Variants in CLIC4 observed in about 807,000 individuals in gnomAD.
The protein encoded by CLIC4 is CLIC family member 4, also known as chloride intracellular channel protein 4.
Under a neutral mutation model 24.6 loss-of-function variants are expected in CLIC4, and 13 were observed. The observed-to-expected ratio is 0.53, with a 90% confidence interval of 0.34 to 0.84. The LOEUF is 0.84. CLIC4 is among the 40% of genes least tolerant of loss of function. The pLI is 0.01. For synonymous variants in CLIC4, 104 were observed against 111.3 expected (o/e 0.93, Z 0.41); for missense variants, 227 against 301.7 (o/e 0.75, Z 1.83).
intron 1 of CLIC4, among the ~76,000 whole-genome samples, chr1:24,760,466 T>G (rs927564398): frequency 6.6e-6 from 1 of 152,182 alleles, no homozygotes; most frequent in Admixed American, 6.5e-5. Context: ...TTGATCTAAC[T>G]TGTATTTCCA....
At chr1:24,786,494 T>C (rs2124118771) in intron 1 of CLIC4, among the ~76,000 whole-genome samples, 1 of 152,330 alleles carries the variant, frequency 6.6e-6, no homozygotes, top group East Asian at 1.9e-4. Flanking sequence ...GTAAAGAAAA[T>C]ACTCCTTTTA....
At position 24,775,874 on chromosome 1, in the gene CLIC4, T is replaced by C. The variant is rs547506502; in HGVS notation, c.73-21868T>C. Among the ~76,000 whole-genome samples the C allele has an allele frequency of 6.6e-4, 101 of 151,992 alleles. 1 individual carries two copies. Among genetic ancestry groups the C allele is most frequent in the Admixed American group, 2.0e-3 (31 of 15,284 alleles). ...ATGGGTCAGGTTTTTCCATTTCTTC[T>C]TATAGGGAGTAATTTTGGATTATAT... On this transcript the variant is annotated intron_variant, in intron 1 of 5. Transcript: ENST00000374379.
At chr1:24,812,581 A>G (rs564919476) in intron 2 of CLIC4, among the ~76,000 whole-genome samples, 36 of 152,234 alleles carry the variant, frequency 2.4e-4, no homozygotes, top group African/African-American at 7.5e-4. Flanking sequence ...GACTTAGTTA[A>G]TTTGGAATGA....
At chr1:24,785,854 C>CAAAAAAAAAAAAA (rs61009244) in intron 1 of CLIC4, among the ~76,000 whole-genome samples, 519 of 58,370 alleles carry the variant, frequency 8.9e-3, no homozygotes, top group Middle Eastern at 0.014. Context: ...GACTACAACT[C>CAAAAAAAAAAAAA]AAAAAAAAAA....
At chr1:24,791,900 T>C (rs1223669346) in intron 1 of CLIC4, among the ~76,000 whole-genome samples, 1 of 150,352 alleles carries the variant, frequency 6.7e-6, no homozygotes, top group African/African-American at 2.5e-5. Context: ...AATAAATAAA[T>C]AAGCCAGCCA....
intron 3 of CLIC4, among the ~76,000 whole-genome samples, chr1:24,826,636 G>A (rs1414438880): frequency 6.6e-6 from 1 of 152,188 alleles, no homozygotes; most frequent in Non-Finnish European, 1.5e-5. Context: ...TGAAGATAGA[G>A]AACATTTCCA....
intron 1 of CLIC4, among the ~76,000 whole-genome samples, chr1:24,773,904 T>C (rs548099644): frequency 2.2e-4 from 34 of 151,690 alleles, no homozygotes; most frequent in African/African-American, 6.0e-4. Flanking sequence ...CAGCCAGAGA[T>C]GCACTTTTTT....
chr1:24,772,011 A>G (rs1286857970), intron 1 of CLIC4, among the ~76,000 whole-genome samples: 1 of 152,244 alleles, frequency 6.6e-6, no homozygotes, highest in African/African-American at 2.4e-5. Flanking sequence ...TTCCAACGTC[A>G]GATCCAGAGA....
chr1:24,748,017 T>G (rs1298005119), intron 1 of CLIC4, among the ~76,000 whole-genome samples: 2 of 123,688 alleles, frequency 1.6e-5, no homozygotes, highest in African/African-American at 5.6e-5. Flanking sequence ...AGAGTGAGAC[T>G]TCGTCTCAAA....
intron 3 of CLIC4, among the ~76,000 whole-genome samples, chr1:24,826,172 G>C (rs554412478): frequency 2.0e-5 from 3 of 152,320 alleles, no homozygotes; most frequent in Admixed American, 1.3e-4. Flanking sequence ...TATTACATCT[G>C]TTCTAAAAGT....
Position 24,745,635 on chromosome 1 carries a change from C to A in CLIC4, c.72+10C>A. On this transcript the variant is annotated intron_variant, in intron 1 of 5. Coordinates refer to ENST00000374379, the MANE Select transcript of CLIC4 (RefSeq NM_013943.3). ...CGAGCTCTTCGTCAAGGTGAGCGCT[C>A]GCCTCGCGGTCCCGCCCGGCAGATC... 1 of 1,546,592 alleles carries A rather than the reference C, an allele frequency of 6.5e-7. No individual in the cohort carries two copies. The highest frequency in any genetic ancestry group is 2.0e-5 in the Admixed American group (1 of 50,830).
At chr1:24,801,154 C>T (rs1019166959) in intron 2 of CLIC4, among the ~76,000 whole-genome samples, 3 of 151,834 alleles carry the variant, frequency 2.0e-5, no homozygotes, top group East Asian at 1.9e-4. Flanking sequence ...AGTGTCACAA[C>T]ATGATTTGCT....
At chr1:24,838,071 T>A (rs1639903392) in intron 4 of CLIC4, among the ~76,000 whole-genome samples, 1 of 152,104 alleles carries the variant, frequency 6.6e-6, no homozygotes, top group Non-Finnish European at 1.5e-5. Flanking sequence ...CAGCATGAAC[T>A]CATCTCCGTA....
At chr1:24,789,491 C>T (rs1400518622) in intron 1 of CLIC4, among the ~76,000 whole-genome samples, 1 of 152,136 alleles carries the variant, frequency 6.6e-6, no homozygotes, top group South Asian at 2.1e-4. Flanking sequence ...GCATTCCAGC[C>T]TGAGTGACAG....
intron 1 of CLIC4, among the ~76,000 whole-genome samples, chr1:24,766,478 T>C (rs866992806): frequency 3.2e-4 from 1 of 3,160 alleles, no homozygotes; most frequent in Non-Finnish European, 1.1e-3. Flanking sequence ...AGACGGTTTT[T>C]TTTTTTTTTT....
At position 24,753,731 on chromosome 1, in the gene CLIC4, C is replaced by G. The variant is rs78306332; in HGVS notation, c.72+8106C>G. Among the ~76,000 whole-genome samples the G allele has an allele frequency of 1.5e-4, 23 of 152,108 alleles. No individual in the cohort carries two copies. In the East Asian group the frequency reaches 4.2e-3, roughly 28 times the overall value. ...ATTTTCCTAACTTTTTTCATTCTCC[C>G]CACACTTTCCTGTGTTTTTGGATTG... On this transcript the variant is annotated intron_variant, in intron 1 of 5. Transcript: ENST00000374379.
At chr1:24,791,794 T>G (rs1362896682) in intron 1 of CLIC4, among the ~76,000 whole-genome samples, 1 of 152,136 alleles carries the variant, frequency 6.6e-6, no homozygotes, top group East Asian at 1.9e-4. Flanking sequence ...GAGAATCACT[T>G]GAACCTCGGA....
intron 3 of CLIC4, among the ~76,000 whole-genome samples, chr1:24,815,154 C>A (rs961771324): frequency 1.6e-4 from 25 of 152,128 alleles, no homozygotes; most frequent in Non-Finnish European, 3.1e-4. Flanking sequence ...TTTAAGTGTG[C>A]AATAATAGCA....
chr1:24,748,499 G>GTTTTT lies in CLIC4; in HGVS notation c.72+2893_72+2897dup, dbSNP rs869153638. ...TGCACTGATACAGATCAGGTTTTTT[G>GTTTTT]TTTTTTTTTTTTTTTTTTTTTTTAA... On this transcript the variant is annotated intron_variant, in intron 1 of 5. Transcript: ENST00000374379. 3.1e-4 allele frequency among the ~76,000 whole-genome samples: 25 copies of GTTTTT among 80,610 alleles called. 3 individuals carry two copies. Among genetic ancestry groups the GTTTTT allele is most frequent in the Admixed American group, 7.9e-4 (4 of 5,072 alleles). The allele number at this position is 80,610 out of a possible 152,430, so 52.9% of individuals were successfully genotyped here. A position where few individuals can be genotyped will look rare whatever the true frequency, so the allele number is the denominator to read the frequency against.
Sources: allele counts gnomAD v4.1 joint callset (sites outside exome capture counted in the v4.1 genomes callset), GRCh38; gene constraint gnomAD v4.1.1; transcripts MANE v1.5; gene names NCBI Gene and HGNC (gene_info 2026-07-23, HGNC 2026-07-21).